Variants in GOLGA4 observed in about 807,000 individuals in gnomAD.
GOLGA4 encodes the protein golgin subfamily A member 4.
A neutral mutation model predicts 265.9 loss-of-function variants in GOLGA4; 169 were observed. The ratio of observed to expected loss-of-function variants is 0.64; its 90% CI spans 0.56 to 0.72. GOLGA4 has a LOEUF of 0.72. Ranked by LOEUF, GOLGA4 falls within the 30% of genes least tolerant of loss-of-function variation. The probability of loss-of-function intolerance (pLI) is 0.00; values close to 1 mark genes in which losing one functional copy is unlikely to be tolerated. For missense variants in GOLGA4, 2,482 were observed against 2,483.4 expected (o/e 1.00, Z 0.01); for synonymous variants, 923 against 855.8 (o/e 1.08, Z -1.37).
intron 23 of GOLGA4, among the ~76,000 whole-genome samples, chr3:37,362,173 C>A (rs1696325484): frequency 1.3e-5 from 2 of 151,558 alleles, no homozygotes; most frequent in African/African-American, 4.8e-5. Flanking sequence ...TGGCAAGATA[C>A]AACATTTCTC....
rs1475536434 is a variant in GOLGA4, at chr3:37,325,385, G to C, written c.3499G>C (p.Asp1167His). 6.2e-7 allele frequency: 1 copy of C among 1,612,894 alleles called. No individual in the cohort carries two copies. Among genetic ancestry groups the C allele is most frequent in the African/African-American group, 1.3e-5 (1 of 74,842 alleles). ...TGAACTGAAGATGCTGGCAGAAGAA[G>C]ATAAGCGGAAGGTTTCTGAGTTGAC... ...LVELKMLAEE[D>H]KRKVSELTSK... Residue 1167 changes from aspartate (D) to histidine (H), a missense_variant, in exon 14 of 24, where the codon GAT (aspartate) becomes CAT (histidine). Physicochemically the swap from Asp to His is moderately conservative, Grantham distance 81. Around this residue, in one of 3 missense-constraint regions of GOLGA4, gnomAD observed 1,536 missense variants for 1,483.7 expected, o/e 1.04. Transcript: ENST00000361924.
chr3:37,246,931 CAAAA>C (rs911813639), intron 1 of GOLGA4, among the ~76,000 whole-genome samples: 5 of 151,608 alleles, frequency 3.3e-5, no homozygotes, highest in Non-Finnish European at 5.9e-5. Flanking sequence ...AAAATAAAAA[CAAAA>C]AAACCAGCAA....
At chr3:37,282,876 C>T (rs1484231001) in intron 3 of GOLGA4, among the ~76,000 whole-genome samples, 1 of 152,206 alleles carries the variant, frequency 6.6e-6, no homozygotes, top group Admixed American at 6.5e-5. Context: ...AGGAATGTAG[C>T]ACCTTCCTTT....
At chr3:37,268,042 C>T (rs925497287) in intron 2 of GOLGA4, among the ~76,000 whole-genome samples, 4 of 152,116 alleles carry the variant, frequency 2.6e-5, no homozygotes, top group African/African-American at 7.2e-5. Context: ...GGGAGGGAAT[C>T]AGAAGTCCCA....
chr3:37,283,563 G>T, intron 3 of GOLGA4, among the ~76,000 whole-genome samples: 1 of 152,118 alleles, frequency 6.6e-6, no homozygotes, highest in East Asian at 1.9e-4. Context: ...TTGTTGCCCA[G>T]ACTGGAGTGC....
At chr3:37,290,424 A>T (rs1018664858) in intron 5 of GOLGA4, among the ~76,000 whole-genome samples, 5 of 152,152 alleles carry the variant, frequency 3.3e-5, no homozygotes, top group African/African-American at 9.7e-5. Context: ...ATTTTTTTAT[A>T]TAGCCAAATT....
chr3:37,324,508 T>C lies in GOLGA4; in HGVS notation c.2622T>C (p.Asn874=). ...TAATGCAGCAACTTGAAAAACAAAATAGTGAAATGGAGCAAAAAGTAAAAT... is the reference window on the plus strand; with the variant it reads ...TAATGCAGCAACTTGAAAAACAAAACAGTGAAATGGAGCAAAAAGTAAAAT... ...QDLMQQLEKQ[N]SEMEQKVKSL... Residue 874 remains asparagine, a synonymous_variant, in exon 14 of 24, where the codon AAT becomes AAC. Transcript: ENST00000361924. 1 of 1,613,728 alleles carries C rather than the reference T, an allele frequency of 6.2e-7. No individual in the cohort carries two copies. Among genetic ancestry groups the C allele is most frequent in the Non-Finnish European group, 8.5e-7 (1 of 1,179,860 alleles).
chr3:37,358,721 A>T (rs1302011380), intron 22 of GOLGA4, among the ~76,000 whole-genome samples: 1 of 152,164 alleles, frequency 6.6e-6, no homozygotes, highest in Non-Finnish European at 1.5e-5. Flanking sequence ...GAGACTGGAA[A>T]GGTAAATCAT....
At chr3:37,365,943 C>A in intron 23 of GOLGA4, 137 bp from the exon 24 acceptor site, 2 of 603,938 alleles carry the variant, frequency 3.3e-6, no homozygotes, top group Non-Finnish European at 5.4e-6. Flanking sequence ...TTATTTCTGC[C>A]TCTTTACTGC....
intron 20 of GOLGA4, among the ~76,000 whole-genome samples, chr3:37,343,445 G>GGC (rs2097045375): frequency 6.6e-6 from 1 of 151,776 alleles, no homozygotes; most frequent in Non-Finnish European, 1.5e-5. Flanking sequence ...TTGAACTCCT[G>GGC]AACTCAGGTA....
chr3:37,362,569 C>G (rs113882221), intron 23 of GOLGA4, among the ~76,000 whole-genome samples: 2 of 151,636 alleles, frequency 1.3e-5, no homozygotes. Flanking sequence ...TAAGTAAAGC[C>G]TTTATCACCC....
chr3:37,289,604 C>G (rs1397210536), intron 5 of GOLGA4, among the ~76,000 whole-genome samples: 1 of 152,158 alleles, frequency 6.6e-6, no homozygotes. Flanking sequence ...TTTTTCCTAA[C>G]CCTAAGTCTT....
Position 37,366,114 on chromosome 3 carries a change from C to T in GOLGA4, c.*68C>T. 2.0e-6 allele frequency: 3 copies of T among 1,520,270 alleles called. No individual in the cohort carries two copies. Among genetic ancestry groups the T allele is most frequent in the Admixed American group, 2.0e-5 (1 of 50,334 alleles). 94.2% of individuals were successfully genotyped at this position (1,520,270 alleles called of 1,614,324 possible). On this transcript the variant is annotated 3_prime_UTR_variant, in exon 24 of 24. Coordinates refer to ENST00000361924, the MANE Select transcript of GOLGA4 (RefSeq NM_002078.5). ...CGATCTTCATCTTGAAGAAGAGTGA[C>T]ATTGGGTGACTGCTGCTTGGAAAAC...
chr3:37,292,264 T>A (rs1263711385), intron 5 of GOLGA4, among the ~76,000 whole-genome samples: 1 of 152,122 alleles, frequency 6.6e-6, no homozygotes, highest in East Asian at 1.9e-4. Flanking sequence ...AGAAATGAAG[T>A]TTACCTTCCA....
intron 6 of GOLGA4, 137 bp from the exon 7 acceptor site, chr3:37,295,950 T>C: frequency 1.5e-6 from 1 of 688,966 alleles, no homozygotes; most frequent in South Asian, 1.8e-5. Context: ...CACCATTTTA[T>C]ATAATGGACT....
At chr3:37,328,658 G>C (rs1005395147) in intron 15 of GOLGA4, 121 bp downstream of exon 15, 4 of 949,970 alleles carry the variant, frequency 4.2e-6, no homozygotes, top group South Asian at 1.8e-5. Flanking sequence ...AATAATCCTT[G>C]CCCAATAACA....
intron 10 of GOLGA4, among the ~76,000 whole-genome samples, chr3:37,307,479 A>G (rs2096909925): frequency 6.6e-6 from 1 of 152,230 alleles, no homozygotes; most frequent in Non-Finnish European, 1.5e-5. Flanking sequence ...GTCTCACAAA[A>G]CATCTTATTT....
At chr3:37,365,292 A>G (rs1465040264) in intron 23 of GOLGA4, among the ~76,000 whole-genome samples, 2 of 151,838 alleles carry the variant, frequency 1.3e-5, no homozygotes, top group Non-Finnish European at 1.5e-5. Flanking sequence ...TTTTTGAGGC[A>G]GTCTCTCACT....
intron 19 of GOLGA4, among the ~76,000 whole-genome samples, 156 bp from the exon 20 acceptor site, chr3:37,339,968 G>C (rs927277621): frequency 6.8e-6 from 1 of 148,104 alleles, no homozygotes; most frequent in Non-Finnish European, 1.5e-5. Context: ...TTTTTTTTTC[G>C]CAGAAACAAT....
Sources: gnomAD v4.1 joint callset for allele counts (sites outside exome capture counted in the v4.1 genomes callset) on GRCh38, gnomAD v4.1.1 for gene constraint, gnomAD v4.1.1 regional missense constraint, MANE v1.5 for transcripts, NCBI Gene and HGNC (gene_info 2026-07-23, HGNC 2026-07-21) for gene names.